FMN1: variants seen among roughly 807,000 people sequenced by gnomAD.
FMN1 encodes formin 1, also known as formin-1.
FMN1 carries 110 observed loss-of-function variants against 132.4 expected under a neutral mutation model. That is an observed-to-expected ratio of 0.83 (90% CI 0.71 to 0.97). The LOEUF is 0.97. Among genes scored for constraint, FMN1 ranks in the 50% least tolerant of loss-of-function variants. The pLI is 0.00. For missense variants in FMN1, 1,792 were observed against 1,705.3 expected (o/e 1.05, Z -0.90); for synonymous variants, 722 against 651.7 (o/e 1.11, Z -1.64).
intron 4 of FMN1, among the ~76,000 whole-genome samples, chr15:33,122,574 C>T (rs1962668523): frequency 6.6e-6 from 1 of 152,208 alleles, no homozygotes. Context: ...TCTGACATCA[C>T]CTTCTAAACA....
intron 4 of FMN1, among the ~76,000 whole-genome samples, chr15:33,132,398 A>C (rs1963587759): frequency 6.6e-6 from 1 of 152,178 alleles, no homozygotes; most frequent in African/African-American, 2.4e-5. Context: ...CTCAGCACGT[A>C]GGCTTCAGGC....
At position 32,773,238 on chromosome 15, in the gene FMN1, G is replaced by A. The variant is rs2056308081; in HGVS notation, c.*1072C>T. On this transcript the variant is annotated 3_prime_UTR_variant, in exon 21 of 21. Transcript: ENST00000616417. ...TTTTGATGTAAGGAACCTTTTTTCT[G>A]CCCTTCAGTTTTTTTGACATTAAAG... is the stretch of plus-strand genomic sequence containing the variant. 6.6e-6 allele frequency: 1 copy of A among 151,942 alleles called. No homozygotes were observed. Among genetic ancestry groups the A allele is most frequent in the African/African-American group, 2.4e-5 (1 of 41,320 alleles). 9.4% of individuals were successfully genotyped at this position (151,942 alleles called of 1,614,324 possible). A position where few individuals can be genotyped will look rare whatever the true frequency, so the allele number is the denominator to read the frequency against.
At chr15:33,036,961 G>A (rs2036219855) in intron 6 of FMN1, among the ~76,000 whole-genome samples, 1 of 152,192 alleles carries the variant, frequency 6.6e-6, no homozygotes. Context: ...ATAGAATTTA[G>A]GAGACAAAGG....
intron 18 of FMN1, among the ~76,000 whole-genome samples, chr15:32,799,453 C>CA (rs2057403971): frequency 6.6e-6 from 1 of 152,138 alleles, no homozygotes; most frequent in Non-Finnish European, 1.5e-5. Flanking sequence ...TTGGGTCAAT[C>CA]ACTCAGCATC....
intron 6 of FMN1, among the ~76,000 whole-genome samples, chr15:33,042,917 T>C (rs550671566): frequency 1.3e-5 from 2 of 152,274 alleles, no homozygotes; most frequent in South Asian, 2.1e-4. Context: ...CCAATCATTA[T>C]AACACACTGC....
chr15:33,154,137 T>C lies in FMN1; in HGVS notation c.778A>G (p.Thr260Ala). The C allele has an allele frequency of 2.0e-6, 3 of 1,536,286 alleles. No homozygotes were observed. Among genetic ancestry groups the C allele is most frequent in the Non-Finnish European group, 2.6e-6 (3 of 1,146,920 alleles). Residue 260 changes from threonine (T) to alanine (A), a missense_variant, in exon 4 of 21, where the codon ACT becomes GCT. By Grantham distance (58) the Thr-to-Ala change is moderately conservative. Transcript: ENST00000616417. ...GGCAGCACTTCTCTTCCAAGCCCAG[T>C]GTCCTTGAAAGCCGTCTCAAAGCTC... ...FGSFETAFKD[T>A]GLGREVLPPD...
At chr15:33,048,458 A>C (rs1030134565) in intron 6 of FMN1, among the ~76,000 whole-genome samples, 6 of 151,888 alleles carry the variant, frequency 4.0e-5, no homozygotes, top group Non-Finnish European at 7.4e-5. Flanking sequence ...TAAGTTGTGA[A>C]AGGATTCATG....
chr15:33,132,890 G>C (rs541253289), intron 4 of FMN1, among the ~76,000 whole-genome samples: 1 of 152,074 alleles, frequency 6.6e-6, no homozygotes, highest in Non-Finnish European at 1.5e-5. Context: ...AGTCCAGAGG[G>C]GTTGTTAGTC....
At chr15:33,038,554 T>G (rs2036286619) in intron 6 of FMN1, among the ~76,000 whole-genome samples, 1 of 152,216 alleles carries the variant, frequency 6.6e-6, no homozygotes, top group African/African-American at 2.4e-5. Context: ...GAATTTTAAT[T>G]TTAGGTTTAC....
At chr15:33,079,508 A>C (rs2038363732) in intron 5 of FMN1, among the ~76,000 whole-genome samples, 1 of 152,200 alleles carries the variant, frequency 6.6e-6, no homozygotes, top group Non-Finnish European at 1.5e-5. Flanking sequence ...CTGTAATCCC[A>C]GCTACTTGGG....
At chr15:33,149,713 T>C in intron 4 of FMN1, 1 of 876,508 alleles carries the variant, frequency 1.1e-6, no homozygotes, top group Non-Finnish European at 1.4e-6. Context: ...TAATTTTAGA[T>C]AATTTTCTTT....
chr15:33,140,193 AACACACACAC>A (rs61485667), intron 4 of FMN1, among the ~76,000 whole-genome samples: 30,774 of 142,890 alleles, frequency 0.22, 3,561 homozygotes, highest in Non-Finnish European at 0.29. Flanking sequence ...CCTATGGTTA[AACACACACAC>A]ACACACACAC....
intron 6 of FMN1, among the ~76,000 whole-genome samples, chr15:33,021,020 A>G (rs1006472043): frequency 6.6e-6 from 1 of 152,224 alleles, no homozygotes; most frequent in Admixed American, 6.5e-5. Context: ...CTAGTGGAAT[A>G]TAAGCTGACG....
chr15:32,804,324 C>CT lies in FMN1; in HGVS notation c.3936dup (p.Glu1313ArgfsTer3), dbSNP rs752560237. 1.3e-6 allele frequency: 2 copies of CT among 1,560,418 alleles called. No homozygotes were observed. On this transcript the variant is annotated frameshift_variant, in exon 18 of 21. Transcript: ENST00000616417. LOFTEE classifies it high-confidence loss of function. ...AAGTGACTTTCTTCCATCTTATGCT[C>CT]TTTTTTGGCTGTAAAAGATAAATCA...
At chr15:33,021,460 C>G (rs543151621) in intron 6 of FMN1, among the ~76,000 whole-genome samples, 57 of 151,976 alleles carry the variant, frequency 3.8e-4, no homozygotes, top group Admixed American at 1.4e-3. Flanking sequence ...CACACACACA[C>G]ACAGAGAAAA....
At chr15:32,776,111 G>A in intron 20 of FMN1, among the ~76,000 whole-genome samples, 1 of 152,202 alleles carries the variant, frequency 6.6e-6, no homozygotes, top group South Asian at 2.1e-4. Context: ...TTTCATGGAA[G>A]AGAAAGAAAC....
intron 16 of FMN1, 48 bp from the exon 17 acceptor site, chr15:32,857,155 G>A (rs750268584): frequency 1.4e-6 from 2 of 1,446,390 alleles, no homozygotes; most frequent in South Asian, 2.3e-5. Context: ...GATTTGCTGA[G>A]CTCCTGCTAT....
At position 33,127,207 on chromosome 15, in the gene FMN1, AT is replaced by A. The variant is rs1453415376; in HGVS notation, c.1867+25840del. On this transcript the variant is annotated intron_variant, in intron 4 of 20. Transcript: ENST00000616417. ...GCCAGATCTGTTTCTCCTCAAAAAT[AT>A]AATCTCAAGAAAAATCAACTGGTCG... 2.1e-3 allele frequency among the ~76,000 whole-genome samples: 326 copies of A among 152,326 alleles called. 1 individual carries two copies. The highest frequency in any genetic ancestry group is 7.7e-3 in the African/African-American group (320 of 41,576).
chr15:33,135,987 C>T (rs1214036975), intron 4 of FMN1, among the ~76,000 whole-genome samples: 1 of 152,078 alleles, frequency 6.6e-6, no homozygotes, highest in African/African-American at 2.4e-5. Context: ...ATACTTAGAA[C>T]AATGATGAAT....
Sources: allele counts gnomAD v4.1 joint callset (sites outside exome capture counted in the v4.1 genomes callset), GRCh38; gene constraint gnomAD v4.1.1; transcripts MANE v1.5; gene names NCBI Gene and HGNC (gene_info 2026-07-23, HGNC 2026-07-21).